The following WDR4 variants were observed in gnomAD, a reference collection of about 807,000 sequenced individuals.
WDR4 encodes tRNA (guanine-N(7)-)-methyltransferase non-catalytic subunit WDR4.
Under a neutral mutation model 48.6 loss-of-function variants are expected in WDR4, and 47 were observed. The ratio of observed to expected loss-of-function variants is 0.97; its 90% CI spans 0.77 to 1.23. The LOEUF (loss-of-function observed/expected upper bound fraction) is 1.23. Ranked by LOEUF, WDR4 falls within the 50% of genes most tolerant of loss-of-function variation. The probability of loss-of-function intolerance (pLI) is 0.00; values close to 1 mark genes in which losing one functional copy is unlikely to be tolerated. For missense variants in WDR4, 606 were observed against 551.6 expected (o/e 1.10, Z -0.99); for synonymous variants, 268 against 230.0 (o/e 1.17, Z -1.49).
intron 2 of WDR4, among the ~76,000 whole-genome samples, chr21:42,875,981 G>A (rs1005155179): frequency 1.4e-5 from 2 of 148,010 alleles, no homozygotes; most frequent in African/African-American, 5.0e-5. Flanking sequence ...GTGCGGTGGC[G>A]CAACCTCGGC....
chr21:42,866,789 C>T (rs1448736393), intron 3 of WDR4, among the ~76,000 whole-genome samples: 1 of 152,056 alleles, frequency 6.6e-6, no homozygotes, highest in African/African-American at 2.4e-5. Flanking sequence ...TTTCACTCCA[C>T]CCGATGCTGA....
chr21:42,870,413 G>A (rs2058346898), intron 3 of WDR4, among the ~76,000 whole-genome samples: 1 of 152,126 alleles, frequency 6.6e-6, no homozygotes, highest in Non-Finnish European at 1.5e-5. Flanking sequence ...GAATCACAAA[G>A]TCTGTGCTTT....
rs575451213 is a variant in WDR4 at position 42,869,526 on chromosome 21, T to C, written c.296+4025A>G. Reference sequence around the variant, plus strand: ...ACCGGTGCAGCTCACCTTACACACCTGTGCCACAGAAAGGCCGTGTGAGAA... The same window carrying C: ...ACCGGTGCAGCTCACCTTACACACCCGTGCCACAGAAAGGCCGTGTGAGAA... On this transcript the variant is annotated intron_variant, in intron 3 of 10. Coordinates refer to ENST00000398208, the MANE Select transcript of WDR4 (RefSeq NM_018669.6). 2.6e-5 allele frequency among the ~76,000 whole-genome samples: 4 copies of C among 152,290 alleles called. No homozygotes were observed. The South Asian group carries it at 8.3e-4, about 32-fold the overall frequency.
rs550493244 is a variant in WDR4, at chr21:42,849,755, G to C, written c.*294C>G. The C allele has an allele frequency of 2.9e-6, 1 of 343,868 alleles. No homozygotes were observed. The highest frequency in any genetic ancestry group is 2.2e-5 in the African/African-American group (1 of 46,380). 21.3% of individuals were successfully genotyped at this position (343,868 alleles called of 1,614,324 possible). On this transcript the variant is annotated 3_prime_UTR_variant, in exon 11 of 11. Transcript: ENST00000398208. ...TATGAGAACAGGAGAAACACAGACA[G>C]CTGCCGCCACCACCGGCTCACACGC...
chr21:42,865,676 A>T (rs2146063210), intron 3 of WDR4, among the ~76,000 whole-genome samples: 2 of 152,124 alleles, frequency 1.3e-5, no homozygotes, highest in East Asian at 3.9e-4. Flanking sequence ...TCACTGGACC[A>T]ATGGCAAGCC....
intron 6 of WDR4, among the ~76,000 whole-genome samples, chr21:42,858,444 G>A (rs927249948): frequency 4.6e-5 from 7 of 152,216 alleles, no homozygotes; most frequent in South Asian, 2.1e-4. Flanking sequence ...CCCAAGCTCC[G>A]AGGGAAACCG....
chr21:42,864,107 CAAAA>C (rs776906461), intron 3 of WDR4, among the ~76,000 whole-genome samples: 1 of 50,564 alleles, frequency 2.0e-5, no homozygotes, highest in African/African-American at 1.3e-4. Context: ...GACTCCGTCT[CAAAA>C]AAAAAAAAAA....
intron 2 of WDR4, 118 bp from the exon 3 acceptor site, chr21:42,873,809 C>G (rs1018097982): frequency 1.7e-6 from 2 of 1,211,456 alleles, no homozygotes; most frequent in African/African-American, 1.5e-5. Flanking sequence ...AAGGGGATCA[C>G]GTAGCCAAAA....
chr21:42,846,311 A>T (rs113603744), downstream of WDR4, among the ~76,000 whole-genome samples: 8,532 of 152,308 alleles, frequency 0.056, 352 homozygotes, highest in Non-Finnish European at 0.088. Flanking sequence ...CACAGGCAAC[A>T]AGGTGGATGA....
chr21:42,879,484 A>G lies in WDR4; in HGVS notation c.12T>C (p.Ser4=), dbSNP rs779630985. The change falls in exon 1 of 11, where the codon TCT becomes TCC. Residue 4 remains serine (S), a synonymous_variant. Transcript: ENST00000398208. MAG[S]VGLALCGQTL... is the part of the protein sequence containing the mutation. ...TCTGCCCGCACAACGCCAGTCCCACAGAGCCCGCCATGTACCCGCCCGCCT... is the reference window on the plus strand; with the variant it reads ...TCTGCCCGCACAACGCCAGTCCCACGGAGCCCGCCATGTACCCGCCCGCCT... 5.6e-6 allele frequency: 9 copies of G among 1,613,444 alleles called. No homozygotes were observed.
downstream of WDR4, among the ~76,000 whole-genome samples, chr21:42,846,743 T>C (rs1005363328): frequency 6.6e-6 from 1 of 152,076 alleles, no homozygotes; most frequent in East Asian, 1.9e-4. Flanking sequence ...TACAATAGAT[T>C]GGGTGCAGTG....
chr21:42,882,233 C>G (rs1187594928), upstream of WDR4, among the ~76,000 whole-genome samples: 1 of 150,028 alleles, frequency 6.7e-6, no homozygotes, highest in African/African-American at 2.4e-5. Flanking sequence ...ATTACATTAG[C>G]CTAGAGTGAG....
At position 42,875,916 on chromosome 21, in the gene WDR4, C is replaced by CT. The variant is rs71194083; in HGVS notation, c.155+785dup. Among the ~76,000 whole-genome samples, 305 of 104,878 alleles carry CT rather than the reference C, an allele frequency of 2.9e-3. 8 individuals carry two copies. The highest frequency in any genetic ancestry group is 7.4e-3 in the Middle Eastern group (1 of 136). The allele number at this position is 104,878 out of a possible 152,430, so 68.8% of individuals were successfully genotyped here. ...TATTTAGAAAAGTCCTAACACTGTG[C>CT]TTTTTTTTTTTTTTTTTTTGAGACG... is the stretch of plus-strand genomic sequence containing the variant. On this transcript the variant is annotated intron_variant, in intron 2 of 10. Coordinates refer to ENST00000398208, the MANE Select transcript of WDR4 (RefSeq NM_018669.6).
In WDR4 at chr21:42,876,882, G is replaced by A. The variant is rs7283064; in HGVS notation, c.90-115C>T. ...TGTCCAGGCTCCAGTACAATGGCAC[G>A]ATCTTGGCTCACCGCAACCTCCGCC... On this transcript the variant is annotated intron_variant, in intron 1 of 10. Coordinates refer to ENST00000398208, the MANE Select transcript of WDR4 (RefSeq NM_018669.6). 0.59 allele frequency: 513,302 copies of A among 869,914 alleles called. 154,981 individuals are homozygous for A. The highest frequency in any genetic ancestry group is 0.72 in the African/African-American group (41,109 of 57,294). The allele number at this position is 869,914 out of a possible 1,614,324, so 53.9% of individuals were successfully genotyped here. A position where few individuals can be genotyped will look rare whatever the true frequency, so the allele number is the denominator to read the frequency against.
intron 10 of WDR4, among the ~76,000 whole-genome samples, chr21:42,850,581 G>C (rs2057799505): frequency 6.6e-6 from 1 of 152,198 alleles, no homozygotes; most frequent in South Asian, 2.1e-4. Context: ...AGGGGCCCAG[G>C]TGGCAGGGGA....
At chr21:42,871,208 T>G (rs570379307) in intron 3 of WDR4, among the ~76,000 whole-genome samples, 1 of 152,226 alleles carries the variant, frequency 6.6e-6, no homozygotes, top group Non-Finnish European at 1.5e-5. Context: ...GCCAGCCCCT[T>G]GATCTTGGTT....
intron 3 of WDR4, among the ~76,000 whole-genome samples, chr21:42,870,209 G>A (rs1179089175): frequency 6.6e-6 from 1 of 151,826 alleles, no homozygotes; most frequent in Non-Finnish European, 1.5e-5. Flanking sequence ...AAATTAACTG[G>A]GCATGGTGGT....
At chr21:42,854,935 A>G (rs1166251452) in intron 7 of WDR4, among the ~76,000 whole-genome samples, 1 of 152,044 alleles carries the variant, frequency 6.6e-6, no homozygotes. Flanking sequence ...AAAGGAAGAG[A>G]TGAGAGCTAC....
At chr21:42,858,067 G>A (rs2058035663) in intron 6 of WDR4, among the ~76,000 whole-genome samples, 1 of 152,164 alleles carries the variant, frequency 6.6e-6, no homozygotes, top group African/African-American at 2.4e-5. Context: ...ACTCCAGACT[G>A]GGAGACAGAG....
Sources: allele counts gnomAD v4.1 joint callset (sites outside exome capture counted in the v4.1 genomes callset), GRCh38; gene constraint gnomAD v4.1.1; transcripts MANE v1.5; gene names NCBI Gene and HGNC (gene_info 2026-07-23, HGNC 2026-07-21).